ADCY2: variants seen among roughly 807,000 people sequenced by gnomAD.
ADCY2 encodes adenylate cyclase type 2.
A neutral mutation model predicts 125.2 loss-of-function variants in ADCY2; 31 were observed. That is an observed-to-expected ratio of 0.25 (90% CI 0.19 to 0.33). The LOEUF is 0.33. Among genes scored for constraint, ADCY2 ranks in the 10% least tolerant of loss-of-function variants. ADCY2 has a pLI of 1.00. For missense variants in ADCY2, 904 were observed against 1,418.2 expected (o/e 0.64, Z 5.82); for synonymous variants, 512 against 548.4 (o/e 0.93, Z 0.93).
At chr5:7,718,207 G>A (rs1741656728) in intron 12 of ADCY2, among the ~76,000 whole-genome samples, 1 of 141,542 alleles carries the variant, frequency 7.1e-6, no homozygotes, top group Non-Finnish European at 1.5e-5. Flanking sequence ...GGAGTGCAGT[G>A]GCACGATCTT....
At chr5:7,529,985 C>A (rs1734590303) in intron 3 of ADCY2, among the ~76,000 whole-genome samples, 1 of 152,210 alleles carries the variant, frequency 6.6e-6, no homozygotes, top group South Asian at 2.1e-4. Context: ...ATCCTGAGGG[C>A]ACTCCCTAAT....
chr5:7,435,926 A>G (rs1407627006), intron 2 of ADCY2, among the ~76,000 whole-genome samples: 1 of 152,212 alleles, frequency 6.6e-6, no homozygotes, highest in Non-Finnish European at 1.5e-5. Context: ...GTAAAATTTT[A>G]GAAGCCTTCA....
chr5:7,798,141 G>C (rs55738206), intron 20 of ADCY2: 1 of 148,114 alleles, frequency 6.8e-6, no homozygotes, highest in African/African-American at 2.5e-5. Flanking sequence ...CCTGGGTGAC[G>C]GGGGGAAGGC....
chr5:7,801,700 G>A (rs1744598874), intron 20 of ADCY2: 1 of 153,032 alleles, frequency 6.5e-6, no homozygotes, highest in South Asian at 2.0e-4. Context: ...TATAGTCAGT[G>A]TCTAATATAA....
intron 3 of ADCY2, among the ~76,000 whole-genome samples, chr5:7,568,937 T>A (rs1735990233): frequency 6.6e-6 from 1 of 152,162 alleles, no homozygotes. Context: ...CCAATTAAAC[T>A]GGGCAGTAAA....
chr5:7,510,216 G>A (rs999795876), intron 2 of ADCY2, among the ~76,000 whole-genome samples: 3 of 152,188 alleles, frequency 2.0e-5, no homozygotes, highest in African/African-American at 7.2e-5. Context: ...ATAGAAACTA[G>A]TAACCAAGTC....
intron 4 of ADCY2, among the ~76,000 whole-genome samples, chr5:7,653,803 C>T (rs182372175): frequency 1.3e-5 from 2 of 152,100 alleles, no homozygotes; most frequent in Admixed American, 6.5e-5. Context: ...CACTTTTTTT[C>T]CCATGTTTTA....
At chr5:7,749,925 C>T (rs1488392634) in intron 15 of ADCY2, among the ~76,000 whole-genome samples, 1 of 152,156 alleles carries the variant, frequency 6.6e-6, no homozygotes, top group Non-Finnish European at 1.5e-5. Context: ...TGTCAATATC[C>T]CTCCACCATA....
At chr5:7,623,981 G>T (rs1579246743) in intron 3 of ADCY2, among the ~76,000 whole-genome samples, 1 of 152,164 alleles carries the variant, frequency 6.6e-6, no homozygotes, top group African/African-American at 2.4e-5. Flanking sequence ...CATTATGGGG[G>T]TTAGCTCTAA....
intron 3 of ADCY2, among the ~76,000 whole-genome samples, chr5:7,623,335 A>T (rs959460596): frequency 6.6e-6 from 1 of 152,032 alleles, no homozygotes; most frequent in African/African-American, 2.4e-5. Flanking sequence ...GTATTTTCTA[A>T]CTCTGAGCAG....
rs531490324 is a variant in ADCY2, at chr5:7,702,010, C to T, written c.1109+3636C>T. Among the ~76,000 whole-genome samples, 83 of 152,300 alleles carry T rather than the reference C, an allele frequency of 5.4e-4. 2 individuals are homozygous for T. The highest frequency in any genetic ancestry group is 1.8e-3 in the African/African-American group (73 of 41,572). On this transcript the variant is annotated intron_variant, in intron 7 of 24. Coordinates refer to ENST00000338316, the MANE Select transcript of ADCY2 (RefSeq NM_020546.3). ...ATCCTCAAGTCAGGCAATGGCTTTG[C>T]GTCCCTGTTACCTGCCACTTGCGGA...
intron 3 of ADCY2, among the ~76,000 whole-genome samples, chr5:7,560,333 T>C (rs1735669254): frequency 6.6e-6 from 1 of 152,204 alleles, no homozygotes; most frequent in Non-Finnish European, 1.5e-5. Context: ...TGTGTCATTT[T>C]TAAAGATGGT....
chr5:7,464,601 A>T (rs1742036131), intron 2 of ADCY2, among the ~76,000 whole-genome samples: 1 of 152,164 alleles, frequency 6.6e-6, no homozygotes. Context: ...AGTTCACCTC[A>T]GCTTAGGGCA....
intron 22 of ADCY2, among the ~76,000 whole-genome samples, chr5:7,814,761 G>A (rs559550075): frequency 1.6e-4 from 25 of 152,130 alleles, no homozygotes; most frequent in Admixed American, 1.0e-3. Flanking sequence ...TTCACTTTCC[G>A]TAAAGGAAAG....
At chr5:7,430,946 C>T (rs1006063073) in intron 2 of ADCY2, among the ~76,000 whole-genome samples, 2 of 152,038 alleles carry the variant, frequency 1.3e-5, no homozygotes, top group East Asian at 3.9e-4. Flanking sequence ...GTTAATTCTC[C>T]CCAAATTTAA....
In ADCY2 at chr5:7,816,861, C is replaced by A; in HGVS notation, c.2884-5C>A. 6.2e-7 allele frequency: 1 copy of A among 1,613,382 alleles called. No individual in the cohort carries two copies. On this transcript the variant is annotated splice_region_variant and splice_polypyrimidine_tract_variant and intron_variant, in intron 22 of 24. Transcript: ENST00000338316. Reference sequence around the variant, plus strand: ...TTCCATCTGCCTGTGTGTGTTTGTTCTCAGGAGCCCGAGCGGCAGTACATG... The same window carrying A: ...TTCCATCTGCCTGTGTGTGTTTGTTATCAGGAGCCCGAGCGGCAGTACATG...
At chr5:7,687,133 A>T (rs1460129396) in intron 4 of ADCY2, among the ~76,000 whole-genome samples, 1 of 152,210 alleles carries the variant, frequency 6.6e-6, no homozygotes, top group Non-Finnish European at 1.5e-5. Context: ...AAAAGAAAAA[A>T]TTCTTGTTTT....
chr5:7,762,392 C>T (rs912770664), intron 16 of ADCY2, among the ~76,000 whole-genome samples: 1 of 152,234 alleles, frequency 6.6e-6, no homozygotes, highest in African/African-American at 2.4e-5. Flanking sequence ...TGAGGATCTG[C>T]AGATGCCCTG....
intron 2 of ADCY2, among the ~76,000 whole-genome samples, chr5:7,480,833 A>G (rs1742702251): frequency 1.3e-5 from 2 of 152,190 alleles, no homozygotes; most frequent in African/African-American, 4.8e-5. Flanking sequence ...TTTGTGGCTG[A>G]ATAGTACTCC....
Sources: allele counts gnomAD v4.1 joint callset (sites outside exome capture counted in the v4.1 genomes callset), GRCh38; gene constraint gnomAD v4.1.1; transcripts MANE v1.5; gene names NCBI Gene and HGNC (gene_info 2026-07-23, HGNC 2026-07-21).